Variants in UGT1A10 observed in about 807,000 individuals in gnomAD.
UGT1A10 encodes the protein UDP glucuronosyltransferase family 1 member A10, also known as UDP-glucuronosyltransferase 1A10.
Under a neutral mutation model 45.8 loss-of-function variants are expected in UGT1A10, and 49 were observed. The ratio of observed to expected loss-of-function variants is 1.07; its 90% CI spans 0.85 to 1.36. UGT1A10 has a LOEUF of 1.36. UGT1A10 is among the 40% of genes most tolerant of loss of function. The pLI is 0.00. For synonymous variants in UGT1A10, 284 were observed against 249.7 expected (o/e 1.14, Z -1.29); for missense variants, 745 against 668.6 (o/e 1.11, Z -1.26).
At position 233,636,458 on chromosome 2, in the gene UGT1A10, T is replaced by C. The variant is rs1008455466; in HGVS notation, c.-65T>C. On this transcript the variant is annotated 5_prime_UTR_variant, in exon 1 of 5. Coordinates refer to ENST00000344644, the MANE Select transcript of UGT1A10 (RefSeq NM_019075.4). ...TTGGGGTCAGGTTTTGTGCCTGTAC[T>C]TCTTCCGCCTACTGTATCATAGCAG... The C allele has an allele frequency of 1.9e-4, 292 of 1,547,156 alleles. No individual in the cohort carries two copies. The highest frequency in any genetic ancestry group is 2.4e-4 in the Non-Finnish European group (280 of 1,146,872).
chr2:233,687,583 TA>T (rs71398794), intron 1 of UGT1A10, among the ~76,000 whole-genome samples: 1,418 of 107,430 alleles, frequency 0.013, 6 homozygotes, highest in Middle Eastern at 0.015. Flanking sequence ...ACATTCTTTG[TA>T]AAAAAAAAAA....
chr2:233,726,566 C>T (rs772348074), intron 1 of UGT1A10, among the ~76,000 whole-genome samples: 3 of 152,296 alleles, frequency 2.0e-5, no homozygotes, highest in South Asian at 2.1e-4. Flanking sequence ...CCCACTCTTA[C>T]GCCTGTCTCC....
At chr2:233,684,485 G>T (rs1229597052) in intron 1 of UGT1A10, among the ~76,000 whole-genome samples, 11 of 151,942 alleles carry the variant, frequency 7.2e-5, no homozygotes, top group Non-Finnish European at 1.6e-4. Context: ...TGGCTCAAAG[G>T]GTCACCCAAA....
At position 233,772,550 on chromosome 2, in the gene UGT1A10, G is replaced by A. The variant is rs762374323; in HGVS notation, c.1584G>A (p.Lys528=). The change falls in exon 5 of 5, where the codon AAG becomes AAA. Residue 528 remains lysine, a synonymous_variant. Transcript: ENST00000344644. ...GAGTTAAGAAAGCCCACAAATCCAA[G>A]ACCCATTGAGAAGTGGGTGGGAAAT... ...KGRVKKAHKS[K]TH 21 of 1,613,880 alleles carry A rather than the reference G, an allele frequency of 1.3e-5. No homozygotes were observed. The highest frequency in any genetic ancestry group is 1.5e-5 in the Non-Finnish European group (18 of 1,179,970).
intron 1 of UGT1A10, among the ~76,000 whole-genome samples, chr2:233,638,551 G>C (rs1235751862): frequency 6.6e-6 from 1 of 152,140 alleles, no homozygotes; most frequent in African/African-American, 2.4e-5. Flanking sequence ...AGTTTAAATA[G>C]GGATTCGGTT....
intron 1 of UGT1A10, chr2:233,693,427 GA>G (rs1412381412): frequency 6.2e-7 from 1 of 1,614,130 alleles, no homozygotes; most frequent in Non-Finnish European, 8.5e-7. Context: ...TCTTTAAGGA[GA>G]GCAAGTTTGA....
intron 1 of UGT1A10, among the ~76,000 whole-genome samples, chr2:233,657,558 A>G (rs762473996): frequency 1.3e-5 from 2 of 152,208 alleles, no homozygotes; most frequent in Non-Finnish European, 2.9e-5. Flanking sequence ...GTCATTTGTG[A>G]GAGATCCATC....
rs769331263 is a variant in UGT1A10 at position 233,772,705 on chromosome 2, C to A, written c.*146C>A. 6.8e-7 allele frequency: 1 copy of A among 1,474,690 alleles called. No homozygotes were observed. The highest frequency in any genetic ancestry group is 2.5e-5 in the East Asian group (1 of 40,596). The allele number at this position is 1,474,690 out of a possible 1,614,324, so 91.4% of individuals were successfully genotyped here. On this transcript the variant is annotated 3_prime_UTR_variant, in exon 5 of 5. Coordinates refer to ENST00000344644, the MANE Select transcript of UGT1A10 (RefSeq NM_019075.4). Reference sequence around the variant, plus strand: ...CAGCCCCAGAGTGCTTTAAAAAATTCTCTTAAATAAAAATAATAGACTCGC... The same window carrying A: ...CAGCCCCAGAGTGCTTTAAAAAATTATCTTAAATAAAAATAATAGACTCGC...
chr2:233,636,826 G>GCACAAAGTATA lies in UGT1A10; in HGVS notation c.305_315dup (p.Phe106HisfsTer8). 1 of 1,614,166 alleles carries GCACAAAGTATA rather than the reference G, an allele frequency of 6.2e-7. No individual in the cohort carries two copies. Among genetic ancestry groups the GCACAAAGTATA allele is most frequent in the Non-Finnish European group, 8.5e-7 (1 of 1,180,040 alleles). On this transcript the variant is annotated frameshift_variant, in exon 1 of 5. Coordinates refer to ENST00000344644, the MANE Select transcript of UGT1A10 (RefSeq NM_019075.4). LOFTEE classifies it high-confidence loss of function. ...CGCCCATGCTCAATGGAAAGCACAG[G>GCACAAAGTATA]CACAAAGTATATTTTCTCTATTAAT...
chr2:233,743,876 G>A (rs1382161508), intron 1 of UGT1A10: 2 of 1,367,016 alleles, frequency 1.5e-6, no homozygotes. Flanking sequence ...CTCGGATGAG[G>A]CCTGCCGGGG....
In UGT1A10 at chr2:233,723,244, C is replaced by T. The variant is rs1231451860; in HGVS notation, c.856-43790C>T. On this transcript the variant is annotated intron_variant, in intron 1 of 4. Transcript: ENST00000344644. ...TTTTTTTTTTTGAGTTGGAGTCCTG[C>T]TGTCACCCAGGCTGGAGTGCAATGG... Among the ~76,000 whole-genome samples the T allele has an allele frequency of 1.8e-5, 2 of 112,620 alleles. 1 individual carries two copies. Among genetic ancestry groups the T allele is most frequent in the East Asian group, 4.7e-4 (2 of 4,276 alleles). 73.9% of individuals were successfully genotyped at this position (112,620 alleles called of 152,430 possible).
chr2:233,667,558 T>C (rs1275178707), intron 1 of UGT1A10, among the ~76,000 whole-genome samples: 2 of 152,198 alleles, frequency 1.3e-5, no homozygotes, highest in Non-Finnish European at 2.9e-5. Context: ...AAAGAGCTTC[T>C]GCACAGCAAA....
At chr2:233,688,515 C>T (rs953054685) in intron 1 of UGT1A10, among the ~76,000 whole-genome samples, 4 of 152,002 alleles carry the variant, frequency 2.6e-5, no homozygotes, top group Admixed American at 6.6e-5. Flanking sequence ...CAGTGAAATG[C>T]GCCTAGAGTG....
chr2:233,750,979 T>C (rs1345929720), intron 1 of UGT1A10, among the ~76,000 whole-genome samples: 3 of 151,782 alleles, frequency 2.0e-5, no homozygotes, highest in Admixed American at 6.5e-5. Context: ...AGTGGAGTTG[T>C]GAGAAGGCGG....
chr2:233,639,283 G>A lies in UGT1A10; in HGVS notation c.855+1906G>A, dbSNP rs543884687. On this transcript the variant is annotated intron_variant, in intron 1 of 4. Coordinates refer to ENST00000344644, the MANE Select transcript of UGT1A10 (RefSeq NM_019075.4). ...ATGAAAGTTTTTATAGTTTGCAGAGGGTTATGTATATTAATGTATATTTTT... is the reference window on the plus strand; with the variant it reads ...ATGAAAGTTTTTATAGTTTGCAGAGAGTTATGTATATTAATGTATATTTTT... Among the ~76,000 whole-genome samples, 11 of 152,150 alleles carry A rather than the reference G, an allele frequency of 7.2e-5. No homozygotes were observed. The South Asian group carries it at 2.3e-3, about 32-fold the overall frequency.
intron 1 of UGT1A10, among the ~76,000 whole-genome samples, chr2:233,761,952 C>G (rs1458039003): frequency 6.6e-6 from 1 of 152,184 alleles, no homozygotes; most frequent in Non-Finnish European, 1.5e-5. Context: ...CGTCTGGCTC[C>G]CATTAAGGGG....
intron 1 of UGT1A10, among the ~76,000 whole-genome samples, chr2:233,698,716 A>C (rs2075457689): frequency 1.3e-5 from 2 of 152,260 alleles, no homozygotes; most frequent in South Asian, 4.1e-4. Context: ...AAGCCTTTTG[A>C]AAACCATAGC....
chr2:233,743,499 G>A (rs1692319680), intron 1 of UGT1A10: 1 of 1,367,148 alleles, frequency 7.3e-7, no homozygotes, highest in African/African-American at 1.5e-5. Context: ...CAGAGAAAAG[G>A]GGTGCAGACG....
intron 1 of UGT1A10, among the ~76,000 whole-genome samples, chr2:233,694,040 T>C (rs1407737408): frequency 6.6e-6 from 1 of 152,276 alleles, no homozygotes; most frequent in African/African-American, 2.4e-5. Flanking sequence ...GCTGAAGTGA[T>C]ACAGAGGCAT....
Sources: gnomAD v4.1 joint callset for allele counts (sites outside exome capture counted in the v4.1 genomes callset) on GRCh38, gnomAD v4.1.1 for gene constraint, MANE v1.5 for transcripts, NCBI Gene and HGNC (gene_info 2026-07-23, HGNC 2026-07-21) for gene names.